Variants in CBX5 observed in about 807,000 individuals in gnomAD.
The protein encoded by CBX5 is chromobox 5, also known as chromobox protein homolog 5.
CBX5 carries 7 observed loss-of-function variants against 20.7 expected under a neutral mutation model. That is an observed-to-expected ratio of 0.34 (90% confidence interval 0.19 to 0.63). The LOEUF (loss-of-function observed/expected upper bound fraction) is 0.63, where lower values mean the gene tolerates loss of function less well. Ranked by LOEUF, CBX5 falls within the 30% of genes least tolerant of loss-of-function variation. The pLI, the probability that CBX5 is intolerant of heterozygous loss-of-function variation, is 0.75. For synonymous variants in CBX5, 78 were observed against 77.0 expected (o/e 1.01, Z -0.07); for missense variants, 110 against 224.1 (o/e 0.49, Z 3.25).
intron 1 of CBX5, among the ~76,000 whole-genome samples, chr12:54,263,762 C>CAAAAAAAAAAAAAAAAAAAAAAA (rs66591051): frequency 1.6e-4 from 6 of 37,850 alleles, no homozygotes; most frequent in East Asian, 5.8e-4. Flanking sequence ...GACTCTATCT[C>CAAAAAAAAAAAAAAAAAAAAAAA]AAAAAAAAAA....
chr12:54,258,445 A>AG (rs1307900556), intron 1 of CBX5: 4 of 152,374 alleles, frequency 2.6e-5, no homozygotes, highest in African/African-American at 9.6e-5. Context: ...ATAGTTAAGA[A>AG]GGTACCTCTC....
rs1278707252 is a variant in CBX5, at chr12:54,240,809, T to G, written c.*946A>C. On this transcript the variant is annotated 3_prime_UTR_variant, in exon 5 of 5. Transcript: ENST00000209875. ...GGAATGCTTTGGGAGGCCACAAAAG[T>G]TGGCAGGGTTGGAGGGTGCCTAGCA... The G allele has an allele frequency of 6.6e-6, 1 of 152,000 alleles. No homozygotes were observed. The highest frequency in any genetic ancestry group is 1.5e-5 in the Non-Finnish European group (1 of 67,992). 9.4% of individuals were successfully genotyped at this position (152,000 alleles called of 1,614,324 possible). A position where few individuals can be genotyped will look rare whatever the true frequency, so the allele number is the denominator to read the frequency against.
chr12:54,247,683 A>AT (rs566372820), intron 3 of CBX5, among the ~76,000 whole-genome samples: 23 of 148,204 alleles, frequency 1.6e-4, no homozygotes, highest in East Asian at 1.4e-3. Flanking sequence ...AAGCCAGGTA[A>AT]TTTTTTTTTT....
intron 4 of CBX5, among the ~76,000 whole-genome samples, chr12:54,243,157 T>G (rs1943696091): frequency 1.3e-5 from 2 of 151,740 alleles, no homozygotes. Flanking sequence ...AAAATAGAAT[T>G]ATCCTGAGAT....
intron 1 of CBX5, chr12:54,258,492 G>A (rs1943884646): frequency 6.6e-6 from 1 of 152,148 alleles, no homozygotes; most frequent in Non-Finnish European, 1.5e-5. Flanking sequence ...CAAAGGAAGA[G>A]GAGGAGGAAA....
At chr12:54,257,374 T>G in intron 2 of CBX5, 140 bp downstream of exon 2, 1 of 758,448 alleles carries the variant, frequency 1.3e-6, no homozygotes, top group Non-Finnish European at 2.1e-6. Flanking sequence ...TTTGTTTTCT[T>G]TACTGCTGTG....
At chr12:54,262,180 G>A (rs527735055) in intron 1 of CBX5, among the ~76,000 whole-genome samples, 1 of 152,278 alleles carries the variant, frequency 6.6e-6, no homozygotes, top group East Asian at 1.9e-4. Flanking sequence ...AGAATGAAAA[G>A]ACTAATAGTA....
At chr12:54,258,207 A>G (rs1291690683) in intron 1 of CBX5, 2 of 152,298 alleles carry the variant, frequency 1.3e-5, no homozygotes, top group Non-Finnish European at 2.9e-5. Context: ...ACCTTTCACC[A>G]CATTTTCAGT....
At chr12:54,251,054 A>G (rs1592157085) in intron 3 of CBX5, among the ~76,000 whole-genome samples, 1 of 151,068 alleles carries the variant, frequency 6.6e-6, no homozygotes, top group South Asian at 2.1e-4. Flanking sequence ...CTGCTTGAAC[A>G]CAGGAGGTGG....
chr12:54,259,099 G>A (rs1943889982), intron 1 of CBX5, among the ~76,000 whole-genome samples: 1 of 152,178 alleles, frequency 6.6e-6, no homozygotes, highest in Non-Finnish European at 1.5e-5. Flanking sequence ...GGAAGTAGTA[G>A]CAAAATGTAG....
In CBX5 at chr12:54,240,141, A is replaced by G. The variant is rs1417364876; in HGVS notation, c.*1614T>C. On this transcript the variant is annotated 3_prime_UTR_variant, in exon 5 of 5. Coordinates refer to ENST00000209875, the MANE Select transcript of CBX5 (RefSeq NM_012117.3). ...TTGGGGCTGGGACAAGGATCCTCAA[A>G]ACCCTGCTATTTCCTTACTTTTAAT... 6.6e-6 allele frequency: 1 copy of G among 152,180 alleles called. No homozygotes were observed. Among genetic ancestry groups the G allele is most frequent in the Non-Finnish European group, 1.5e-5 (1 of 68,028 alleles). 9.4% of individuals were successfully genotyped at this position (152,180 alleles called of 1,614,324 possible). A position where few individuals can be genotyped will look rare whatever the true frequency, so the allele number is the denominator to read the frequency against.
Position 54,231,125 on chromosome 12 carries a change from TAAAAA to T in CBX5, c.*10625_*10629del, listed in dbSNP as rs1014153078. 6.7e-6 allele frequency: 1 copy of T among 150,006 alleles called. No individual in the cohort carries two copies. The highest frequency in any genetic ancestry group is 2.4e-5 in the African/African-American group (1 of 40,878). The allele number at this position is 150,006 out of a possible 1,614,324, so 9.3% of individuals were successfully genotyped here. On this transcript the variant is annotated 3_prime_UTR_variant, in exon 5 of 5. Transcript: ENST00000209875. ...ACATATATATAGACCACTTATACTTTAAAAAAAAAATCAAAAGCAGACATGTTTGG... is the reference window on the plus strand; with the variant it reads ...ACATATATATAGACCACTTATACTTTAAAAATCAAAAGCAGACATGTTTGG...
intron 3 of CBX5, among the ~76,000 whole-genome samples, 181 bp from the exon 4 acceptor site, chr12:54,246,396 G>A (rs1282025564): frequency 1.3e-5 from 2 of 152,192 alleles, no homozygotes; most frequent in East Asian, 3.9e-4. Flanking sequence ...TGACAGTGAT[G>A]TCAAGAGATA....
Position 54,246,186 on chromosome 12 carries a change from C to A in CBX5, c.354G>T (p.Glu118Asp). ...EQSNDIARGF[E>D]RGLEPEKIIG... ...TGATCTTTTCTGGTTCCAGTCCTCT[C>A]TCAAAGCCCCGAGCGATATCATTGC... is the stretch of plus-strand genomic sequence containing the variant. Residue 118 changes from glutamate to aspartate, a missense_variant, in exon 4 of 5, where the codon GAG becomes GAT. Transcript: ENST00000209875. 6.2e-7 allele frequency: 1 copy of A among 1,613,560 alleles called. No homozygotes were observed. The highest frequency in any genetic ancestry group is 1.1e-5 in the South Asian group (1 of 91,044).
intron 4 of CBX5, among the ~76,000 whole-genome samples, chr12:54,245,511 G>T (rs1031218615): frequency 2.0e-5 from 3 of 152,018 alleles, no homozygotes; most frequent in African/African-American, 7.2e-5. Flanking sequence ...ACAAAAATGG[G>T]CCAGGCGCAG....
Position 54,241,545 on chromosome 12 carries a change from T to C in CBX5, c.*210A>G. ...GTGGGTATTACACTCAGTATGTAAA[T>C]GCCTGGTCTTCACAGAGAGACACTT... On this transcript the variant is annotated 3_prime_UTR_variant, in exon 5 of 5. Transcript: ENST00000209875. 1 of 535,886 alleles carries C rather than the reference T, an allele frequency of 1.9e-6. No homozygotes were observed. The highest frequency in any genetic ancestry group is 3.3e-6 in the Non-Finnish European group (1 of 307,646). The allele number at this position is 535,886 out of a possible 1,614,324, so 33.2% of individuals were successfully genotyped here.
At chr12:54,262,974 A>AT (rs985761626) in intron 1 of CBX5, 9 of 152,276 alleles carry the variant, frequency 5.9e-5, no homozygotes, top group Non-Finnish European at 1.0e-4. Context: ...TCTTTCAGGC[A>AT]TAACAGCTCT....
In CBX5 at chr12:54,269,152, C is replaced by T. The variant is rs560301330; in HGVS notation, c.-43+10856G>A. ...GCACGTGCCTGTAGTCCCAGCTACT[C>T]AGGAGGCTGAGGCAGGAGAATCGCT... is the stretch of plus-strand genomic sequence containing the variant. On this transcript the variant is annotated intron_variant, in intron 1 of 4. Transcript: ENST00000209875. 5.1e-4 allele frequency among the ~76,000 whole-genome samples: 77 copies of T among 152,118 alleles called. 1 individual carries two copies. Among genetic ancestry groups the T allele is most frequent in the African/African-American group, 1.9e-3 (77 of 41,512 alleles).
rs554780564 is a variant in CBX5 at position 54,255,474 on chromosome 12, G to A, written c.137+2040C>T. ...CTCGGGAGGCTGAGGCAGGAGAATC[G>A]CTTGAACCCGGGAGGCGGAGGTTGC... On this transcript the variant is annotated intron_variant, in intron 2 of 4. Coordinates refer to ENST00000209875, the MANE Select transcript of CBX5 (RefSeq NM_012117.3). 2.7e-4 allele frequency among the ~76,000 whole-genome samples: 41 copies of A among 150,476 alleles called. 1 individual carries two copies. The highest frequency in any genetic ancestry group is 3.2e-4 in the African/African-American group (13 of 40,874).
Sources: gnomAD v4.1 joint callset for allele counts (sites outside exome capture counted in the v4.1 genomes callset) on GRCh38, gnomAD v4.1.1 for gene constraint, MANE v1.5 for transcripts, NCBI Gene and HGNC (gene_info 2026-07-23, HGNC 2026-07-21) for gene names.